ANK3: variants seen among roughly 807,000 people sequenced by gnomAD.
The protein encoded by ANK3 is ankyrin 3.
In ANK3, 57 loss-of-function variants were observed where a neutral mutation model predicts 370.9. That is an observed-to-expected ratio of 0.15 (90% CI 0.12 to 0.19). The LOEUF (loss-of-function observed/expected upper bound fraction) is 0.19. ANK3 is among the 10% of genes least tolerant of loss of function. The probability of loss-of-function intolerance (pLI) is 1.00; values close to 1 mark genes in which losing one functional copy is unlikely to be tolerated. For missense variants in ANK3, 4,439 were observed against 5,302.1 expected, an observed-to-expected ratio of 0.84 and a Z score of 5.06; for synonymous variants, 1,929 against 1,946.3, an observed-to-expected ratio of 0.99 and a Z score of 0.23.
chr10:60,265,909 G>A (rs767854167), intron 5 of ANK3, among the ~76,000 whole-genome samples: 1 of 152,132 alleles, frequency 6.6e-6, no homozygotes, highest in Non-Finnish European at 1.5e-5. Flanking sequence ...TGCACGTACA[G>A]ACTTCACTCT....
intron 2 of ANK3, among the ~76,000 whole-genome samples, chr10:60,506,979 A>G (rs2075957159): frequency 6.6e-6 from 1 of 152,094 alleles, no homozygotes; most frequent in South Asian, 2.1e-4. Flanking sequence ...TGTTGTGAAA[A>G]TAACCACCAT....
At chr10:60,410,225 T>A (rs1308800283) in intron 2 of ANK3, among the ~76,000 whole-genome samples, 2 of 152,010 alleles carry the variant, frequency 1.3e-5, no homozygotes, top group African/African-American at 4.8e-5. Context: ...GCTCAAGAGT[T>A]TGAGACCAGC....
chr10:60,067,857 A>G lies in ANK3; in HGVS notation c.12319+78T>C, dbSNP rs183075445. 1.4e-3 allele frequency: 1,632 copies of G among 1,158,526 alleles called. 37 individuals are homozygous for G. In the Admixed American group the frequency reaches 0.028, roughly 20 times the overall value. 71.8% of individuals were successfully genotyped at this position (1,158,526 alleles called of 1,614,324 possible). On this transcript the variant is annotated intron_variant, in intron 38 of 43. Coordinates refer to ENST00000280772, the MANE Select transcript of ANK3 (RefSeq NM_020987.5). ...AGCTGCTTGTTTCTATTTTTAAAAT[A>G]TATATATTGAACTGCTTGTGAGTAA...
At chr10:60,579,786 G>A (rs184911867) in intron 2 of ANK3, among the ~76,000 whole-genome samples, 37 of 152,244 alleles carry the variant, frequency 2.4e-4, no homozygotes, top group Admixed American at 9.2e-4. Flanking sequence ...ACTGCAGGAC[G>A]TCAATCCTTT....
At chr10:60,417,909 G>GT (rs1330006415) in intron 2 of ANK3, among the ~76,000 whole-genome samples, 2 of 151,904 alleles carry the variant, frequency 1.3e-5, no homozygotes, top group African/African-American at 4.8e-5. Flanking sequence ...TACTTGAAAG[G>GT]TTTTTTAAAA....
intron 25 of ANK3, among the ~76,000 whole-genome samples, chr10:60,120,758 AACCAGAATGAGATATCATCTC>A (rs2093417973): frequency 6.6e-6 from 1 of 152,230 alleles, no homozygotes; most frequent in Non-Finnish European, 1.5e-5. Flanking sequence ...TTTAAATCCA[AACCAGAATGAGATATCATCTC>A]ACCTTAGTTA....
chr10:60,700,436 C>A (rs1464188588), intron 1 of ANK3, among the ~76,000 whole-genome samples: 1 of 151,928 alleles, frequency 6.6e-6, no homozygotes, highest in African/African-American at 2.4e-5. Context: ...TTTGTAGCAA[C>A]CCCTGAAAAA....
At chr10:60,715,926 G>A (rs1282923564) in intron 1 of ANK3, among the ~76,000 whole-genome samples, 4 of 151,640 alleles carry the variant, frequency 2.6e-5, no homozygotes, top group African/African-American at 7.3e-5. Context: ...TATTAAATGT[G>A]TATGTACAAA....
At chr10:60,166,949 G>T in intron 21 of ANK3, 53 bp from the exon 22 acceptor site, 4 of 1,423,798 alleles carry the variant, frequency 2.8e-6, no homozygotes, top group South Asian at 2.3e-5. Context: ...CATTTTAATG[G>T]GTCTTTTCAT....
chr10:60,373,539 C>G (rs2060370952), intron 1 of ANK3, among the ~76,000 whole-genome samples: 1 of 152,076 alleles, frequency 6.6e-6, no homozygotes, highest in Non-Finnish European at 1.5e-5. Context: ...TGTACTTAAA[C>G]AGTCAGGAGA....
At chr10:60,116,681 A>C (rs2132120522) in intron 25 of ANK3, among the ~76,000 whole-genome samples, 1 of 152,172 alleles carries the variant, frequency 6.6e-6, no homozygotes, top group East Asian at 1.9e-4. Flanking sequence ...AGAAATTTTT[A>C]ACTCTAGAAA....
chr10:60,604,222 A>G (rs1268533177), intron 2 of ANK3, among the ~76,000 whole-genome samples: 3 of 152,190 alleles, frequency 2.0e-5, no homozygotes, highest in African/African-American at 7.2e-5. Flanking sequence ...GCAAAGCTAC[A>G]TGTATGTTTT....
rs770550243 is a variant in ANK3 at position 60,075,912 on chromosome 10, T to C, written c.4969A>G (p.Ser1657Gly). ...GTAATAATTGACTTAAATGGCAAACTTGAGGAATACATATTAATGTTTGAT... is the reference window on the plus strand; with the variant it reads ...GTAATAATTGACTTAAATGGCAAACCTGAGGAATACATATTAATGTTTGAT... ...PKSNINMYSSSLPFKSIITSA... is the reference protein window; with the variant it reads ...PKSNINMYSSGLPFKSIITSA... Residue 1657 changes from serine (S) to glycine (G), a missense_variant, in exon 37 of 44, where the codon AGT becomes GGT. This residue lies in a region of ANK3 where 679 missense variants were observed against 791.0 expected (regional missense o/e 0.86). Coordinates refer to ENST00000280772, the MANE Select transcript of ANK3 (RefSeq NM_020987.5). 1 of 1,614,106 alleles carries C rather than the reference T, an allele frequency of 6.2e-7. No individual in the cohort carries two copies. The highest frequency in any genetic ancestry group is 1.1e-5 in the South Asian group (1 of 91,084).
rs1362001808 is a variant in ANK3 at position 60,088,338 on chromosome 10, A to G, written c.3349T>C (p.Leu1117=). The G allele has an allele frequency of 6.2e-7, 1 of 1,614,140 alleles. No individual in the cohort carries two copies. Among genetic ancestry groups the G allele is most frequent in the Admixed American group, 1.7e-5 (1 of 60,024 alleles). The part of the protein sequence containing the change: ...MDEELDSPEE[L]GKKRICRIIT... ...ATCCTGCAGATACGCTTTTTCCCTAACTCTTCTGGGCTATCAAGTTCTGAA... is the reference window on the plus strand; with the variant it reads ...ATCCTGCAGATACGCTTTTTCCCTAGCTCTTCTGGGCTATCAAGTTCTGAA... The change falls in exon 29 of 44, where the codon TTA becomes CTA. Residue 1117 remains leucine (L), a synonymous_variant. Transcript: ENST00000280772.
At chr10:60,118,565 TAAC>T (rs66903743) in intron 25 of ANK3, among the ~76,000 whole-genome samples, 35,435 of 152,010 alleles carry the variant, frequency 0.23, 5,256 homozygotes, top group Non-Finnish European at 0.33. Context: ...TGGCCTCATT[TAAC>T]AACAACTTAT....
At position 60,068,319 on chromosome 10, in the gene ANK3, TTTTAC is replaced by T. The variant is rs140758200; in HGVS notation, c.12244+313_12245-311del. ...CATGATGGGATTTCAACATCTGTGC[TTTTAC>T]TTTGACAGAATCATATCCATTAGCA... On this transcript the variant is annotated intron_variant, in intron 37 of 43. Coordinates refer to ENST00000280772, the MANE Select transcript of ANK3 (RefSeq NM_020987.5). 5.1e-3 allele frequency among the ~76,000 whole-genome samples: 782 copies of T among 152,310 alleles called. 6 individuals are homozygous for T. Among genetic ancestry groups the T allele is most frequent in the African/African-American group, 0.018 (745 of 41,570 alleles).
chr10:60,100,234 G>GTTTTTTTTTTTT lies in ANK3; in HGVS notation c.3328+5659_3328+5670dup, dbSNP rs3045340. On this transcript the variant is annotated intron_variant, in intron 28 of 43. Transcript: ENST00000280772. ...GGCTGAAAGTCAGTATTTTGCTATG[G>GTTTTTTTTTTTT]TTTTTTTTTTTTTTTTTTTTTTGCA... 3.2e-3 allele frequency among the ~76,000 whole-genome samples: 188 copies of GTTTTTTTTTTTT among 57,900 alleles called. 44 individuals carry two copies. The highest frequency in any genetic ancestry group is 0.015 in the African/African-American group (171 of 11,736). The allele number at this position is 57,900 out of a possible 152,430, so 38.0% of individuals were successfully genotyped here.
chr10:60,690,741 T>C (rs2079340386), intron 1 of ANK3, among the ~76,000 whole-genome samples: 1 of 152,180 alleles, frequency 6.6e-6, no homozygotes, highest in Admixed American at 6.5e-5. Context: ...CAACCATGTA[T>C]GACCTACCAC....
chr10:60,572,912 G>C (rs758971639), intron 2 of ANK3: 331 of 1,008,738 alleles, frequency 3.3e-4, no homozygotes, highest in Middle Eastern at 2.0e-3. Context: ...GAGAGAGAGA[G>C]ACACACACAC....
Sources: gnomAD v4.1 joint callset for allele counts (sites outside exome capture counted in the v4.1 genomes callset) on GRCh38, gnomAD v4.1.1 for gene constraint, gnomAD v4.1.1 regional missense constraint, MANE v1.5 for transcripts, NCBI Gene and HGNC (gene_info 2026-07-23, HGNC 2026-07-21) for gene names.